The following ELP4 variants were observed in gnomAD, a reference collection of about 807,000 sequenced individuals.
ELP4 encodes the protein elongator acetyltransferase complex subunit 4, also known as elongator complex protein 4.
ELP4 carries 51 observed loss-of-function variants against 48.9 expected under a neutral mutation model. That is an observed-to-expected ratio of 1.04 (90% CI 0.83 to 1.32). The LOEUF (loss-of-function observed/expected upper bound fraction) is 1.32. ELP4 is among the 40% of genes most tolerant of loss of function. ELP4 has a pLI of 0.00. For synonymous variants in ELP4, 210 were observed against 189.2 expected (o/e 1.11, Z -0.90); for missense variants, 519 against 514.6 (o/e 1.01, Z -0.08).
chr11:31,717,305 C>T (rs1424298293), intron 9 of ELP4, among the ~76,000 whole-genome samples: 1 of 152,186 alleles, frequency 6.6e-6, no homozygotes, highest in African/African-American at 2.4e-5. Flanking sequence ...GTCACATTAG[C>T]AGTAACTGTG....
At chr11:31,751,191 G>A (rs527804217) in intron 9 of ELP4, among the ~76,000 whole-genome samples, 6 of 152,212 alleles carry the variant, frequency 3.9e-5, no homozygotes, top group Admixed American at 2.0e-4. Flanking sequence ...TTCACTGGTA[G>A]AAATTGGCCT....
chr11:31,626,988 A>G, intron 5 of ELP4, 122 bp from the exon 6 acceptor site: 1 of 572,834 alleles, frequency 1.7e-6, no homozygotes, highest in Non-Finnish European at 3.2e-6. Context: ...TACTGTTTTG[A>G]CATTCTTAAG....
At chr11:31,706,369 C>A (rs1415787393) in intron 9 of ELP4, among the ~76,000 whole-genome samples, 1 of 151,572 alleles carries the variant, frequency 6.6e-6, no homozygotes, top group Non-Finnish European at 1.5e-5. Flanking sequence ...GTGGCTCATG[C>A]CTATAATCCC....
rs890086283 is a variant in ELP4, at chr11:31,697,756, G to T, written c.1143+47535G>T. ...AAATGAGGACTTGAAATGCAATCAG[G>T]GTCTCATCAAAAGAAATACCACTCT... On this transcript the variant is annotated intron_variant, in intron 9 of 9. Transcript: ENST00000640961. Among the ~76,000 whole-genome samples the T allele has an allele frequency of 2.0e-5, 3 of 151,492 alleles. No individual in the cohort carries two copies. The South Asian group carries it at 6.3e-4, about 32-fold the overall frequency.
chr11:31,723,014 G>A (rs898297185), intron 9 of ELP4, among the ~76,000 whole-genome samples: 4 of 152,186 alleles, frequency 2.6e-5, no homozygotes, highest in African/African-American at 9.6e-5. Flanking sequence ...ATGCTGGAAT[G>A]TGGTAGGTAC....
At chr11:31,523,396 C>A (rs1191213265) in intron 2 of ELP4, among the ~76,000 whole-genome samples, 1 of 152,110 alleles carries the variant, frequency 6.6e-6, no homozygotes, top group African/African-American at 2.4e-5. Context: ...TAACATTTTA[C>A]TATAGATTTC....
rs71060492 is a variant in ELP4 at position 31,533,368 on chromosome 11, C to CTTTT, written c.260-6270_260-6267dup. Among the ~76,000 whole-genome samples the CTTTT allele has an allele frequency of 9.7e-4, 49 of 50,472 alleles. 11 individuals carry two copies. Among genetic ancestry groups the CTTTT allele is most frequent in the African/African-American group, 3.8e-3 (45 of 11,896 alleles). The allele number at this position is 50,472 out of a possible 152,430, so 33.1% of individuals were successfully genotyped here. ...GTGTTGCTGCAAAAGCCATCTCATT[C>CTTTT]TTTTTTTTTTTTTTTTTTTTTTTTT... On this transcript the variant is annotated intron_variant, in intron 2 of 9. Transcript: ENST00000640961.
intron 3 of ELP4, among the ~76,000 whole-genome samples, chr11:31,572,902 G>T (rs1957211383): frequency 6.6e-6 from 1 of 152,132 alleles, no homozygotes; most frequent in Non-Finnish European, 1.5e-5. Context: ...CTCCTCAGGA[G>T]CCTGAGGCAG....
chr11:31,578,537 T>G (rs1282746214), intron 3 of ELP4, among the ~76,000 whole-genome samples: 2 of 152,188 alleles, frequency 1.3e-5, no homozygotes, highest in African/African-American at 4.8e-5. Context: ...GACTTCCAAC[T>G]ATACTGCAAG....
chr11:31,574,003 A>C (rs1056048543), intron 3 of ELP4, among the ~76,000 whole-genome samples: 11 of 152,252 alleles, frequency 7.2e-5, no homozygotes, highest in Non-Finnish European at 1.5e-4. Flanking sequence ...ATGGATGAAA[A>C]GATGGCTAAG....
chr11:31,568,333 A>T (rs1031772382), intron 3 of ELP4, among the ~76,000 whole-genome samples: 1 of 152,222 alleles, frequency 6.6e-6, no homozygotes, highest in African/African-American at 2.4e-5. Context: ...GAATTGGAAG[A>T]ATCAATATCA....
At chr11:31,702,722 A>G (rs1231442799) in intron 9 of ELP4, among the ~76,000 whole-genome samples, 1 of 152,108 alleles carries the variant, frequency 6.6e-6, no homozygotes, top group South Asian at 2.1e-4. Context: ...TTAGGTGTAC[A>G]TTCTGGCTAT....
chr11:31,746,876 CTT>C (rs1947605926), intron 9 of ELP4, among the ~76,000 whole-genome samples: 1 of 151,608 alleles, frequency 6.6e-6, no homozygotes, highest in Admixed American at 6.6e-5. Context: ...TACCCTAAAA[CTT>C]AAAGTATAAT....
intron 9 of ELP4, chr11:31,663,168 A>G (rs1384436645): frequency 6.6e-6 from 1 of 151,992 alleles, no homozygotes; most frequent in East Asian, 1.9e-4. Context: ...ATAAAACATT[A>G]TAAATTTAAC....
At chr11:31,722,690 TC>T (rs1228634750) in intron 9 of ELP4, among the ~76,000 whole-genome samples, 102 of 125,970 alleles carry the variant, frequency 8.1e-4, no homozygotes, top group Middle Eastern at 4.0e-3. Context: ...TCTCTCTCTC[TC>T]TCTCTGTCTC....
chr11:31,766,861 C>G (rs1402175946), intron 9 of ELP4, among the ~76,000 whole-genome samples: 1 of 151,896 alleles, frequency 6.6e-6, no homozygotes, highest in African/African-American at 2.4e-5. Context: ...CAACTAATAT[C>G]CCTTTAGCAC....
intron 9 of ELP4, chr11:31,689,313 A>G (rs1448294507): frequency 2.0e-5 from 3 of 152,028 alleles, no homozygotes; most frequent in Non-Finnish European, 2.9e-5. Flanking sequence ...ATGGTGGTGC[A>G]CGCCTGTAGT....
intron 3 of ELP4, among the ~76,000 whole-genome samples, chr11:31,581,867 C>T (rs1219375989): frequency 2.0e-5 from 3 of 152,020 alleles, no homozygotes. Flanking sequence ...AATGCTCCCA[C>T]TCTGCCTTCC....
At chr11:31,656,863 C>G (rs1261369698) in intron 9 of ELP4, among the ~76,000 whole-genome samples, 1 of 152,008 alleles carries the variant, frequency 6.6e-6, no homozygotes, top group African/African-American at 2.4e-5. Context: ...TATTGCAGTA[C>G]TTCGAAGATT....
Sources: allele counts gnomAD v4.1 joint callset (sites outside exome capture counted in the v4.1 genomes callset), GRCh38; gene constraint gnomAD v4.1.1; transcripts MANE v1.5; gene names NCBI Gene and HGNC (gene_info 2026-07-23, HGNC 2026-07-21).